LRP1B: variants seen among roughly 807,000 people sequenced by gnomAD.
The protein encoded by LRP1B is LDL receptor related protein 1B, also known as low-density lipoprotein receptor-related protein 1B.
In LRP1B, 217 loss-of-function variants were observed where a neutral mutation model predicts 556.6. That is an observed-to-expected ratio of 0.39 (90% confidence interval 0.35 to 0.44). LRP1B has a LOEUF of 0.44. LRP1B is among the 20% of genes least tolerant of loss of function. The pLI, the probability that LRP1B is intolerant of heterozygous loss-of-function variation, is 1.00. For missense variants in LRP1B, 5,053 were observed against 5,620.8 expected (o/e 0.90, Z 3.23); for synonymous variants, 2,047 against 1,865.8 (o/e 1.10, Z -2.50).
chr2:141,186,801 A>T (rs1360383344), intron 7 of LRP1B, among the ~76,000 whole-genome samples: 2 of 152,076 alleles, frequency 1.3e-5, no homozygotes, highest in East Asian at 3.9e-4. Context: ...GAGAACAGAA[A>T]GTATATTGTT....
At chr2:140,784,319 G>A (rs1039419498) in intron 32 of LRP1B, among the ~76,000 whole-genome samples, 2 of 150,168 alleles carry the variant, frequency 1.3e-5, no homozygotes, top group African/African-American at 2.4e-5. Context: ...TTTCCCTATT[G>A]GGGGAAACTG....
chr2:140,815,511 A>G (rs968482523), intron 31 of LRP1B, among the ~76,000 whole-genome samples: 8 of 151,814 alleles, frequency 5.3e-5, no homozygotes, highest in Non-Finnish European at 2.9e-5. Flanking sequence ...TGCAGATTCT[A>G]TAGGAACAAG....
intron 2 of LRP1B, among the ~76,000 whole-genome samples, chr2:141,609,526 C>A (rs1293245879): frequency 1.3e-5 from 2 of 152,152 alleles, no homozygotes; most frequent in Non-Finnish European, 2.9e-5. Flanking sequence ...AAGTAATGAT[C>A]TTTGAGTGTT....
At chr2:141,288,996 A>C (rs981599965) in intron 3 of LRP1B, among the ~76,000 whole-genome samples, 1 of 152,210 alleles carries the variant, frequency 6.6e-6, no homozygotes, top group African/African-American at 2.4e-5. Context: ...TTAAATGGCT[A>C]CTTTTTTCTT....
intron 37 of LRP1B, among the ~76,000 whole-genome samples, chr2:140,703,922 T>C (rs564614732): frequency 1.3e-5 from 2 of 152,316 alleles, no homozygotes; most frequent in African/African-American, 4.8e-5. Context: ...GCACCTAGGT[T>C]TATGTTACGT....
chr2:140,642,809 C>T (rs189566678), intron 41 of LRP1B, among the ~76,000 whole-genome samples: 1 of 151,964 alleles, frequency 6.6e-6, no homozygotes, highest in Admixed American at 6.6e-5. Flanking sequence ...GCGCCACTGC[C>T]CTCCAGCCTG....
chr2:141,964,864 T>C (rs1275427593), intron 1 of LRP1B, among the ~76,000 whole-genome samples: 2 of 150,934 alleles, frequency 1.3e-5, no homozygotes, highest in Non-Finnish European at 3.0e-5. Context: ...AGGGCTAATA[T>C]CCAGAATCTA....
At chr2:141,429,693 C>T (rs1330643499) in intron 3 of LRP1B, among the ~76,000 whole-genome samples, 8 of 152,064 alleles carry the variant, frequency 5.3e-5, no homozygotes. Flanking sequence ...CCATTGTGTC[C>T]ATGTGTTCTC....
intron 7 of LRP1B, among the ~76,000 whole-genome samples, chr2:141,183,310 C>A (rs568385086): frequency 6.6e-6 from 1 of 152,162 alleles, no homozygotes. Context: ...GTAGGCAAAC[C>A]CGCTTCATTT....
chr2:141,572,182 A>C (rs1686553004), intron 2 of LRP1B, among the ~76,000 whole-genome samples: 1 of 152,174 alleles, frequency 6.6e-6, no homozygotes, highest in Non-Finnish European at 1.5e-5. Context: ...AGCCAGAGAG[A>C]AATGTCAGGT....
intron 3 of LRP1B, among the ~76,000 whole-genome samples, chr2:141,471,288 T>TTTTTTTTTTC (rs1682463427): frequency 4.0e-5 from 4 of 100,694 alleles, no homozygotes; most frequent in African/African-American, 1.1e-4. Flanking sequence ...TTTTTTTTTT[T>TTTTTTTTTTC]TTTTTTACTC....
chr2:140,403,297 C>T (rs1684588132), intron 66 of LRP1B, among the ~76,000 whole-genome samples: 1 of 151,974 alleles, frequency 6.6e-6, no homozygotes, highest in Non-Finnish European at 1.5e-5. Flanking sequence ...CATTGAAATA[C>T]CAGATAAAGA....
At position 140,481,789 on chromosome 2, in the gene LRP1B, T is replaced by G. The variant is rs555772752; in HGVS notation, c.9425+3554A>C. Among the ~76,000 whole-genome samples, 112 of 152,224 alleles carry G rather than the reference T, an allele frequency of 7.4e-4. 1 individual carries two copies. The highest frequency in any genetic ancestry group is 3.6e-3 in the Admixed American group (55 of 15,274). ...CTGTCATTTTGTATTATGTTCTGAC[T>G]TGTTCCTAGCTTTCCTTTACTCTGT... On this transcript the variant is annotated intron_variant, in intron 59 of 90. Coordinates refer to ENST00000389484, the MANE Select transcript of LRP1B (RefSeq NM_018557.3).
intron 1 of LRP1B, among the ~76,000 whole-genome samples, chr2:142,070,090 A>G (rs1356393801): frequency 6.6e-6 from 1 of 151,786 alleles, no homozygotes; most frequent in Non-Finnish European, 1.5e-5. Context: ...TAAATGTAAC[A>G]CATTCCACAT....
intron 1 of LRP1B, among the ~76,000 whole-genome samples, chr2:142,056,147 T>A (rs993661556): frequency 6.6e-6 from 1 of 151,980 alleles, no homozygotes; most frequent in Non-Finnish European, 1.5e-5. Flanking sequence ...TGAGACTCTG[T>A]CTCAGAAAAA....
intron 7 of LRP1B, among the ~76,000 whole-genome samples, chr2:141,070,808 A>G (rs372805641): frequency 0.011 from 1,745 of 151,814 alleles, 41 homozygotes; most frequent in African/African-American, 0.04. Context: ...AAACCAGGAA[A>G]AAGTTGAATC....
intron 7 of LRP1B, among the ~76,000 whole-genome samples, chr2:141,139,654 A>G (rs1333339746): frequency 1.3e-5 from 2 of 152,010 alleles, no homozygotes; most frequent in South Asian, 2.1e-4. Context: ...ATACAATTAC[A>G]TATCTATTAG....
At chr2:140,778,948 A>T (rs1360861603) in intron 32 of LRP1B, among the ~76,000 whole-genome samples, 3 of 151,808 alleles carry the variant, frequency 2.0e-5, no homozygotes, top group Non-Finnish European at 4.4e-5. Context: ...TAATATATAA[A>T]CATTAATGTT....
At chr2:141,442,961 G>A (rs908443449) in intron 3 of LRP1B, among the ~76,000 whole-genome samples, 1 of 152,100 alleles carries the variant, frequency 6.6e-6, no homozygotes. Flanking sequence ...GGATTGCTGG[G>A]TCAAATGGTA....
Sources: gnomAD v4.1 joint callset for allele counts (sites outside exome capture counted in the v4.1 genomes callset) on GRCh38, gnomAD v4.1.1 for gene constraint, MANE v1.5 for transcripts, NCBI Gene and HGNC (gene_info 2026-07-23, HGNC 2026-07-21) for gene names.